The following EXOC3L2 variants were observed in gnomAD, a reference collection of about 807,000 sequenced individuals.
EXOC3L2 encodes the protein exocyst complex component 3 like 2.
In EXOC3L2, 17 loss-of-function variants were observed where a neutral mutation model predicts 44.4. The ratio of observed to expected loss-of-function variants is 0.38; its 90% CI spans 0.26 to 0.57. EXOC3L2 has a LOEUF of 0.57. Among genes scored for constraint, EXOC3L2 ranks in the 20% least tolerant of loss-of-function variants. The pLI, the probability that EXOC3L2 is intolerant of heterozygous loss-of-function variation, is 0.65. For synonymous variants in EXOC3L2, 256 were observed against 253.7 expected (o/e 1.01, Z -0.09); for missense variants, 541 against 588.4 (o/e 0.92, Z 0.83).
intron 1 of EXOC3L2, among the ~76,000 whole-genome samples, chr19:45,244,944 C>T (rs1970157774): frequency 6.6e-6 from 1 of 151,896 alleles, no homozygotes; most frequent in Non-Finnish European, 1.5e-5. Context: ...TGGTCCCTGT[C>T]TCCCATCTCC....
chr19:45,241,401 G>A (rs1488226617), intron 1 of EXOC3L2, among the ~76,000 whole-genome samples: 3 of 151,058 alleles, frequency 2.0e-5, no homozygotes, highest in Non-Finnish European at 4.4e-5. Context: ...TGGCATGAAC[G>A]CGGAAGGCGG....
In EXOC3L2 at chr19:45,213,338, G is replaced by A. The variant is rs1288998173; in HGVS notation, c.2140C>T (p.Leu714Phe). Residue 714 changes from leucine (L) to phenylalanine (F), a missense_variant, in exon 12 of 12, where the codon CTC (leucine) becomes TTC (phenylalanine). Physicochemically the swap from Leu to Phe is conservative, Grantham distance 22 (BLOSUM62 0). Transcript: ENST00000413988. ...PDIRQKHVAA[L>F]LDIRGLRNTA... ...TTGCGCAGGCCACGGATGTCGAGGA[G>A]GGCTGCCACGTGCTTCTGCCTGTGG... is the stretch of plus-strand genomic sequence containing the variant. The A allele has an allele frequency of 1.2e-6, 2 of 1,613,410 alleles. No homozygotes were observed. Among genetic ancestry groups the A allele is most frequent in the Non-Finnish European group, 1.7e-6 (2 of 1,179,768 alleles).
intron 1 of EXOC3L2, among the ~76,000 whole-genome samples, chr19:45,240,694 G>A (rs1445610373): frequency 2.0e-5 from 3 of 152,060 alleles, no homozygotes; most frequent in Non-Finnish European, 4.4e-5. Context: ...TCAGGAGTTC[G>A]AGACCAGCTT....
chr19:45,225,080 T>G (rs1210423030), intron 7 of EXOC3L2, among the ~76,000 whole-genome samples, 167 bp from the exon 8 acceptor site: 2 of 94,664 alleles, frequency 2.1e-5, no homozygotes, highest in African/African-American at 4.5e-5. Flanking sequence ...CTTGACAGGT[T>G]GGGGGTGTCT....
intron 1 of EXOC3L2, among the ~76,000 whole-genome samples, chr19:45,242,470 T>A (rs1176138994): frequency 6.6e-6 from 1 of 152,106 alleles, no homozygotes; most frequent in Non-Finnish European, 1.5e-5. Flanking sequence ...CATGCTGGTC[T>A]GGAACTCCTG....
intron 3 of EXOC3L2, among the ~76,000 whole-genome samples, 155 bp from the exon 4 acceptor site, chr19:45,232,029 G>A (rs1230800591): frequency 6.6e-6 from 1 of 152,182 alleles, no homozygotes; most frequent in African/African-American, 2.4e-5. Flanking sequence ...GGAAGTCTTT[G>A]GAATTGTTGC....
chr19:45,236,788 G>A (rs1351354448), intron 2 of EXOC3L2, among the ~76,000 whole-genome samples: 1 of 152,010 alleles, frequency 6.6e-6, no homozygotes, highest in Admixed American at 6.6e-5. Context: ...CCTGAGATCA[G>A]GAGTTCAAGA....
chr19:45,242,941 C>T (rs535709036), intron 1 of EXOC3L2, among the ~76,000 whole-genome samples: 11 of 151,904 alleles, frequency 7.2e-5, no homozygotes, highest in African/African-American at 2.4e-4. Flanking sequence ...TCGCTCTGGC[C>T]TTCTCCTAAG....
chr19:45,220,308 T>TG (rs1359755530), intron 8 of EXOC3L2, among the ~76,000 whole-genome samples: 3 of 151,800 alleles, frequency 2.0e-5, no homozygotes, highest in African/African-American at 7.3e-5. Context: ...TATAATTTTT[T>TG]TTTGTTTGTT....
At chr19:45,227,117 C>A (rs1333412157) in intron 7 of EXOC3L2, among the ~76,000 whole-genome samples, 1 of 146,470 alleles carries the variant, frequency 6.8e-6, no homozygotes, top group Non-Finnish European at 1.5e-5. Flanking sequence ...AAAAAAAAAT[C>A]TGTCATTCTT....
rs1385584544 is a variant in EXOC3L2 at position 45,216,251 on chromosome 19, C to T, written c.1999-57G>A. On this transcript the variant is annotated intron_variant, in intron 10 of 11. Coordinates refer to ENST00000413988, the MANE Select transcript of EXOC3L2 (RefSeq NM_001382422.1). ...CTCCCAAGATTGACCCTGCCAATTC[C>T]TGCCCCTCCTGGCTTGTTATACCAT... 1.3e-5 allele frequency: 20 copies of T among 1,591,810 alleles called. No homozygotes were observed. The East Asian group carries it at 3.4e-4, about 27-fold the overall frequency.
At chr19:45,228,838 G>A (rs1024936739) in intron 4 of EXOC3L2, among the ~76,000 whole-genome samples, 2 of 151,256 alleles carry the variant, frequency 1.3e-5, no homozygotes, top group African/African-American at 2.4e-5. Flanking sequence ...TTGGGAGGTC[G>A]AGGCGGGTGG....
chr19:45,213,182 TG>T lies in EXOC3L2; in HGVS notation c.2295del (p.Ser766AlafsTer30). On this transcript the variant is annotated frameshift_variant, in exon 12 of 12. Transcript: ENST00000413988. LOFTEE classifies it high-confidence loss of function. Reference protein sequence around the residue: ...DIPVPRPSFCLSLPLFLGRLP... With the variant: ...DIPVPRPSFCXSLPLFLGRLP... ...AGGCGGCCCAGGAAGAGAGGGAGGC[TG>T]AGACAGAAAGATGGGCGGGGCACAG... 6.2e-7 allele frequency: 1 copy of T among 1,604,914 alleles called. No homozygotes were observed.
chr19:45,221,094 C>T (rs1286097118), intron 8 of EXOC3L2, among the ~76,000 whole-genome samples: 10 of 151,878 alleles, frequency 6.6e-5, no homozygotes, highest in African/African-American at 2.4e-4. Context: ...ATGTGAAGTT[C>T]GGAGATATCC....
intron 2 of EXOC3L2, among the ~76,000 whole-genome samples, chr19:45,237,582 T>C (rs757412743): frequency 2.0e-5 from 3 of 152,000 alleles, no homozygotes; most frequent in Non-Finnish European, 2.9e-5. Flanking sequence ...TAGAGACTGA[T>C]GGTGGGCTTG....
At chr19:45,213,717 G>A (rs1969803460) in intron 11 of EXOC3L2, among the ~76,000 whole-genome samples, 3 of 151,954 alleles carry the variant, frequency 2.0e-5, no homozygotes, top group Admixed American at 2.0e-4. Context: ...GGCCAAGGCA[G>A]GCGGATCACC....
chr19:45,215,971 G>T, intron 11 of EXOC3L2, 102 bp downstream of exon 11: 1 of 1,502,420 alleles, frequency 6.7e-7, no homozygotes, highest in South Asian at 1.3e-5. Flanking sequence ...CACGCTCACC[G>T]GCTCCCTCCC....
At chr19:45,244,962 C>T (rs190104410) in intron 1 of EXOC3L2, among the ~76,000 whole-genome samples, 10 of 151,950 alleles carry the variant, frequency 6.6e-5, no homozygotes, top group Non-Finnish European at 1.5e-4. Flanking sequence ...TCCGAGACCC[C>T]ATCTCTTGGG....
At chr19:45,214,167 C>T (rs1969808930) in intron 11 of EXOC3L2, among the ~76,000 whole-genome samples, 1 of 152,118 alleles carries the variant, frequency 6.6e-6, no homozygotes, top group Non-Finnish European at 1.5e-5. Context: ...CCCCATGGGA[C>T]TCCAGGAATA....
Sources: gnomAD v4.1 joint callset for allele counts (sites outside exome capture counted in the v4.1 genomes callset) on GRCh38, gnomAD v4.1.1 for gene constraint, MANE v1.5 for transcripts, NCBI Gene and HGNC (gene_info 2026-07-23, HGNC 2026-07-21) for gene names.